ERBB4: variants seen among roughly 807,000 people sequenced by gnomAD.
The protein encoded by ERBB4 is erb-b2 receptor tyrosine kinase 4, also known as receptor tyrosine-protein kinase erbB-4.
ERBB4 carries 42 observed loss-of-function variants against 158.0 expected under a neutral mutation model. That is an observed-to-expected ratio of 0.27 (90% CI 0.21 to 0.34). The LOEUF is 0.34. Among genes scored for constraint, ERBB4 ranks in the 10% least tolerant of loss-of-function variants. The probability of loss-of-function intolerance (pLI) is 1.00; values close to 1 mark genes in which losing one functional copy is unlikely to be tolerated. For synonymous variants in ERBB4, 583 were observed against 558.7 expected (o/e 1.04, Z -0.61); for missense variants, 1,333 against 1,624.1 (o/e 0.82, Z 3.08).
chr2:212,165,439 G>A (rs2081319335), intron 1 of ERBB4, among the ~76,000 whole-genome samples: 1 of 151,806 alleles, frequency 6.6e-6, no homozygotes, highest in Non-Finnish European at 1.5e-5. Context: ...TGCAGAGAGG[G>A]TAAATCCTTT....
intron 25 of ERBB4, among the ~76,000 whole-genome samples, chr2:211,406,271 G>A (rs2063146024): frequency 6.6e-6 from 1 of 152,142 alleles, no homozygotes; most frequent in Admixed American, 6.6e-5. Context: ...TATGGCTCTA[G>A]TGGGAAACCA....
Position 212,382,014 on chromosome 2 carries a change from C to CA in ERBB4, c.82+156434_82+156435insT, listed in dbSNP as rs1208212847. Reference sequence around the variant, plus strand: ...TTATGGAGCAGAAGCAACAGCATCACTTAGGAGTCTGTTAGAAATACAGAA... The same window carrying CA: ...TTATGGAGCAGAAGCAACAGCATCACATTAGGAGTCTGTTAGAAATACAGAA... On this transcript the variant is annotated intron_variant, in intron 1 of 27. Transcript: ENST00000342788. Among the ~76,000 whole-genome samples, 5 of 150,948 alleles carry CA rather than the reference C, an allele frequency of 3.3e-5. No homozygotes were observed. The Admixed American group carries it at 3.3e-4, about 10-fold the overall frequency.
At position 211,474,859 on chromosome 2, in the gene ERBB4, T is replaced by C. The variant is rs140863966; in HGVS notation, c.2488-43759A>G. Among the ~76,000 whole-genome samples the C allele has an allele frequency of 3.9e-5, 6 of 151,930 alleles. No homozygotes were observed. In the East Asian group the frequency reaches 1.2e-3, roughly 29 times the overall value. ...AGTACATGGATGGAAGAAGAGTTGA[T>C]GTGAAGGAGCCAGAGAAGTAGGTGG... On this transcript the variant is annotated intron_variant, in intron 20 of 27. Coordinates refer to ENST00000342788, the MANE Select transcript of ERBB4 (RefSeq NM_005235.3).
chr2:211,383,970 G>A lies in ERBB4; in HGVS notation c.3572C>T (p.Ala1191Val), dbSNP rs1315524347. The change falls in exon 28 of 28, where the codon GCA becomes GTA. Residue 1191 changes from alanine to valine, a missense_variant. By Grantham distance (64) the Ala-to-Val change is moderately conservative. Coordinates refer to ENST00000342788, the MANE Select transcript of ERBB4 (RefSeq NM_005235.3). Reference protein sequence around the residue: ...QALDNPEYHNASNGPPKAEDE... With the variant: ...QALDNPEYHNVSNGPPKAEDE... ...CTCGGCCTTGGGTGGACCATTGGAT[G>A]CATTGTGATATTCGGGATTATCCAA... is the stretch of plus-strand genomic sequence containing the variant. The A allele has an allele frequency of 4.3e-6, 7 of 1,613,810 alleles. No individual in the cohort carries two copies. The African/African-American group carries it at 8.0e-5, about 18-fold the overall frequency.
intron 2 of ERBB4, among the ~76,000 whole-genome samples, chr2:212,068,620 G>C (rs1302931141): frequency 6.6e-6 from 1 of 151,920 alleles, no homozygotes; most frequent in Non-Finnish European, 1.5e-5. Context: ...CTTTCCTATG[G>C]CTCTGTCTCT....
At chr2:211,730,120 C>T (rs1464413661) in intron 5 of ERBB4, among the ~76,000 whole-genome samples, 1 of 151,844 alleles carries the variant, frequency 6.6e-6, no homozygotes, top group Admixed American at 6.6e-5. Flanking sequence ...CATTAAGTAG[C>T]TTAATCTTAT....
intron 7 of ERBB4, among the ~76,000 whole-genome samples, chr2:211,719,938 TG>T (rs2074041673): frequency 6.6e-6 from 1 of 151,784 alleles, no homozygotes; most frequent in Admixed American, 6.6e-5. Context: ...TCTGTTTACA[TG>T]GCTGAATTAA....
intron 20 of ERBB4, among the ~76,000 whole-genome samples, chr2:211,490,564 A>C (rs2065314034): frequency 6.6e-6 from 1 of 152,012 alleles, no homozygotes; most frequent in South Asian, 2.1e-4. Flanking sequence ...ATTGTAAATC[A>C]TGAGCGACCT....
chr2:212,006,982 T>C (rs1299756682), intron 2 of ERBB4, among the ~76,000 whole-genome samples: 2 of 152,026 alleles, frequency 1.3e-5, no homozygotes, highest in African/African-American at 2.4e-5. Context: ...CCTAAAATAA[T>C]AATTCAACTT....
chr2:211,952,885 A>T (rs1476609180), intron 2 of ERBB4, among the ~76,000 whole-genome samples: 1 of 152,224 alleles, frequency 6.6e-6, no homozygotes, highest in Admixed American at 6.6e-5. Context: ...CAGAAAAAAA[A>T]AAATTATAAT....
At chr2:211,499,263 G>A (rs1474525538) in intron 20 of ERBB4, among the ~76,000 whole-genome samples, 3 of 152,160 alleles carry the variant, frequency 2.0e-5, no homozygotes, top group Non-Finnish European at 2.9e-5. Flanking sequence ...CGTGGCTCAC[G>A]CTTGTAATCC....
intron 5 of ERBB4, among the ~76,000 whole-genome samples, chr2:211,746,990 A>G (rs1169108567): frequency 6.6e-6 from 1 of 152,112 alleles, no homozygotes; most frequent in African/African-American, 2.4e-5. Flanking sequence ...AACTCTCTGT[A>G]TGGCTGCTTT....
intron 1 of ERBB4, among the ~76,000 whole-genome samples, chr2:212,299,438 T>G (rs182493476): frequency 3.3e-5 from 5 of 151,812 alleles, no homozygotes; most frequent in African/African-American, 9.6e-5. Flanking sequence ...TGTAAAGTAC[T>G]CATTGTTTTA....
intron 3 of ERBB4, among the ~76,000 whole-genome samples, chr2:211,806,854 ATAATG>A (rs2076630548): frequency 7.3e-6 from 1 of 137,630 alleles, no homozygotes; most frequent in African/African-American, 2.6e-5. Flanking sequence ...AAAAATCACA[ATAATG>A]TAAGTATAAT....
intron 20 of ERBB4, among the ~76,000 whole-genome samples, chr2:211,443,867 A>G (rs911058049): frequency 4.6e-5 from 7 of 152,120 alleles, no homozygotes; most frequent in African/African-American, 1.7e-4. Flanking sequence ...AGTTAAGAGT[A>G]AAACTCAATG....
intron 1 of ERBB4, among the ~76,000 whole-genome samples, chr2:212,243,139 A>T (rs1304172694): frequency 6.6e-6 from 1 of 152,194 alleles, no homozygotes; most frequent in Non-Finnish European, 1.5e-5. Context: ...ATGCCAATTA[A>T]TCAATGGCAC....
intron 3 of ERBB4, among the ~76,000 whole-genome samples, chr2:211,934,938 A>AT (rs2080277082): frequency 6.6e-6 from 1 of 150,392 alleles, no homozygotes; most frequent in Admixed American, 6.6e-5. Flanking sequence ...AAAAAAAAAA[A>AT]AAACTGCCTT....
intron 1 of ERBB4, among the ~76,000 whole-genome samples, chr2:212,482,410 A>G (rs1430522372): frequency 6.6e-6 from 1 of 152,226 alleles, no homozygotes; most frequent in East Asian, 1.9e-4. Flanking sequence ...CAATTTGGAT[A>G]GTATTTTAGA....
At chr2:212,319,241 C>T (rs565225393) in intron 1 of ERBB4, among the ~76,000 whole-genome samples, 79 of 138,474 alleles carry the variant, frequency 5.7e-4, no homozygotes, top group African/African-American at 1.9e-3. Context: ...TCATACATCA[C>T]AGCCTTCAAA....
Sources: gnomAD v4.1 joint callset for allele counts (sites outside exome capture counted in the v4.1 genomes callset) on GRCh38, gnomAD v4.1.1 for gene constraint, MANE v1.5 for transcripts, NCBI Gene and HGNC (gene_info 2026-07-23, HGNC 2026-07-21) for gene names.